Variants in LRRTM4 observed in about 807,000 individuals in gnomAD.
The protein encoded by LRRTM4 is leucine-rich repeat transmembrane neuronal protein 4.
In LRRTM4, 25 loss-of-function variants were observed where a neutral mutation model predicts 47.6. The observed-to-expected ratio is 0.53, with a 90% CI of 0.38 to 0.73. LRRTM4 has a LOEUF of 0.73. Among genes scored for constraint, LRRTM4 ranks in the 30% least tolerant of loss-of-function variants. The probability of loss-of-function intolerance (pLI) is 0.00; values close to 1 mark genes in which losing one functional copy is unlikely to be tolerated. For missense variants in LRRTM4, 638 were observed against 713.4 expected (o/e 0.89, Z 1.20); for synonymous variants, 311 against 269.5 (o/e 1.15, Z -1.51).
chr2:77,412,117 G>T (rs1268449531), intron 3 of LRRTM4, among the ~76,000 whole-genome samples: 1 of 151,976 alleles, frequency 6.6e-6, no homozygotes, highest in African/African-American at 2.4e-5. Context: ...CCTTTGATTT[G>T]CATTATTCGT....
At chr2:76,804,294 C>A (rs1310269460) in intron 3 of LRRTM4, among the ~76,000 whole-genome samples, 1 of 151,958 alleles carries the variant, frequency 6.6e-6, no homozygotes, top group Non-Finnish European at 1.5e-5. Context: ...CTCAAGAATC[C>A]TTTGGGACTA....
chr2:77,315,032 A>T (rs1047630631), intron 3 of LRRTM4, among the ~76,000 whole-genome samples: 2 of 152,196 alleles, frequency 1.3e-5, no homozygotes, highest in Non-Finnish European at 2.9e-5. Flanking sequence ...TCAGTAGGTT[A>T]GGTGTACTAA....
chr2:77,076,494 T>A (rs1372247873), intron 3 of LRRTM4, among the ~76,000 whole-genome samples: 1 of 152,140 alleles, frequency 6.6e-6, no homozygotes, highest in Non-Finnish European at 1.5e-5. Context: ...GATATTACAG[T>A]AACAACTGTC....
At chr2:77,433,541 C>T (rs1675470453) in intron 3 of LRRTM4, among the ~76,000 whole-genome samples, 1 of 152,210 alleles carries the variant, frequency 6.6e-6, no homozygotes, top group Middle Eastern at 3.4e-3. Context: ...ATAAAGTTTG[C>T]TTATTATGAA....
At chr2:77,323,017 G>GATCTA (rs1209582474) in intron 3 of LRRTM4, among the ~76,000 whole-genome samples, 8 of 151,928 alleles carry the variant, frequency 5.3e-5, no homozygotes, top group Admixed American at 2.6e-4. Context: ...CTCTCAATAG[G>GATCTA]ATCTAGATGT....
At chr2:77,348,304 A>T (rs967184411) in intron 3 of LRRTM4, among the ~76,000 whole-genome samples, 3 of 151,856 alleles carry the variant, frequency 2.0e-5, no homozygotes, top group Non-Finnish European at 4.4e-5. Flanking sequence ...AATACAATAC[A>T]ATACAACAAA....
intron 3 of LRRTM4, among the ~76,000 whole-genome samples, chr2:77,067,382 T>C (rs1371663796): frequency 6.6e-6 from 1 of 151,920 alleles, no homozygotes; most frequent in Non-Finnish European, 1.5e-5. Context: ...TAATAAAACC[T>C]GGCACTAAGC....
intron 3 of LRRTM4, among the ~76,000 whole-genome samples, chr2:76,858,773 A>G (rs1341589886): frequency 6.6e-6 from 1 of 152,164 alleles, no homozygotes; most frequent in Non-Finnish European, 1.5e-5. Context: ...TAAATATTTT[A>G]TTGTTGCAAT....
intron 3 of LRRTM4, among the ~76,000 whole-genome samples, chr2:77,128,832 G>A (rs1046603012): frequency 2.0e-5 from 3 of 151,980 alleles, no homozygotes; most frequent in African/African-American, 7.2e-5. Context: ...CAGAGATGGA[G>A]TTTCACCATG....
chr2:76,866,988 A>T (rs937436778), intron 3 of LRRTM4, among the ~76,000 whole-genome samples: 4 of 152,110 alleles, frequency 2.6e-5, no homozygotes, highest in African/African-American at 9.7e-5. Context: ...CAAACACTGC[A>T]TATTCTCACT....
chr2:76,961,651 A>G (rs187772304), intron 3 of LRRTM4, among the ~76,000 whole-genome samples: 8 of 151,470 alleles, frequency 5.3e-5, no homozygotes, highest in Non-Finnish European at 3.0e-5. Context: ...CAGGGCTACT[A>G]TTAATGAATA....
chr2:76,763,114 G>C (rs1573062898), intron 3 of LRRTM4, among the ~76,000 whole-genome samples: 1 of 152,122 alleles, frequency 6.6e-6, no homozygotes, highest in African/African-American at 2.4e-5. Flanking sequence ...AAAAGATTTT[G>C]TGACACATTG....
chr2:76,822,483 G>T (rs1050647182), intron 3 of LRRTM4, among the ~76,000 whole-genome samples: 1 of 151,250 alleles, frequency 6.6e-6, no homozygotes, highest in African/African-American at 2.4e-5. Context: ...CACAATAAAA[G>T]AAATAATAGA....
intron 3 of LRRTM4, among the ~76,000 whole-genome samples, chr2:77,069,337 T>G (rs971835203): frequency 6.6e-6 from 1 of 151,928 alleles, no homozygotes; most frequent in Admixed American, 6.6e-5. Flanking sequence ...TGTGGATACG[T>G]TTTTTAGATT....
chr2:77,069,618 G>A (rs1486188129), intron 3 of LRRTM4, among the ~76,000 whole-genome samples: 2 of 152,122 alleles, frequency 1.3e-5, no homozygotes, highest in African/African-American at 4.8e-5. Flanking sequence ...AATGTTGGTA[G>A]CTTGTGTATT....
chr2:77,460,983 C>A (rs12614202), intron 3 of LRRTM4, among the ~76,000 whole-genome samples: 1 of 151,788 alleles, frequency 6.6e-6, no homozygotes, highest in Non-Finnish European at 1.5e-5. Flanking sequence ...ATTTTAAAGA[C>A]CTTGAAAATT....
chr2:76,769,296 A>G (rs543082673), intron 3 of LRRTM4, among the ~76,000 whole-genome samples: 44 of 152,274 alleles, frequency 2.9e-4, no homozygotes, highest in South Asian at 8.3e-4. Context: ...TGATTCCACT[A>G]TGTTCTTATT....
intron 3 of LRRTM4, among the ~76,000 whole-genome samples, chr2:76,899,827 G>A (rs1206466320): frequency 1.3e-5 from 2 of 152,142 alleles, no homozygotes; most frequent in Admixed American, 6.6e-5. Context: ...ATCTATGAGA[G>A]CTAGAACAAG....
intron 3 of LRRTM4, among the ~76,000 whole-genome samples, chr2:76,961,417 CT>C (rs1670878813): frequency 6.6e-6 from 1 of 150,698 alleles, no homozygotes; most frequent in Non-Finnish European, 1.5e-5. Context: ...AAAAAAAAAA[CT>C]CATCGTCATT....
Sources: allele counts gnomAD v4.1 joint callset (sites outside exome capture counted in the v4.1 genomes callset), GRCh38; gene constraint gnomAD v4.1.1; transcripts MANE v1.5; gene names NCBI Gene and HGNC (gene_info 2026-07-23, HGNC 2026-07-21).